Variants in CCDC149 observed in about 807,000 individuals in gnomAD.
The protein encoded by CCDC149 is coiled-coil domain-containing protein 149.
In CCDC149, 45 loss-of-function variants were observed where a neutral mutation model predicts 59.9. The observed-to-expected ratio is 0.75, with a 90% CI of 0.59 to 0.96. The LOEUF is 0.96. Among genes scored for constraint, CCDC149 ranks in the 40% least tolerant of loss-of-function variants. The pLI is 0.00. For missense variants in CCDC149, 584 were observed against 664.7 expected, an observed-to-expected ratio of 0.88 and a Z score of 1.33; for synonymous variants, 245 against 260.6, an observed-to-expected ratio of 0.94 and a Z score of 0.58.
At chr4:24,935,297 C>T (rs1165520342) in intron 1 of CCDC149, among the ~76,000 whole-genome samples, 1 of 152,116 alleles carries the variant, frequency 6.6e-6, no homozygotes, top group East Asian at 1.9e-4. Context: ...GTACCATTTT[C>T]TGGAATGGAA....
chr4:24,955,460 C>G (rs1723437574), intron 1 of CCDC149, among the ~76,000 whole-genome samples: 1 of 152,084 alleles, frequency 6.6e-6, no homozygotes. Context: ...GAGGAAATAA[C>G]CCAAGTATCC....
At chr4:24,878,216 T>TAAAAAAAAA in intron 1 of CCDC149, among the ~76,000 whole-genome samples, 1 of 125,138 alleles carries the variant, frequency 8.0e-6, no homozygotes, top group South Asian at 2.6e-4. Flanking sequence ...TTTTTTTTCC[T>TAAAAAAAAA]AAAAAAAAAA....
chr4:24,926,851 A>G (rs915882135), intron 1 of CCDC149, among the ~76,000 whole-genome samples: 4 of 152,164 alleles, frequency 2.6e-5, no homozygotes, highest in Admixed American at 6.5e-5. Context: ...GAACTTGAAG[A>G]CGAGGACTGT....
intron 4 of CCDC149, among the ~76,000 whole-genome samples, chr4:24,843,545 G>A (rs1027001756): frequency 6.6e-6 from 1 of 152,140 alleles, no homozygotes; most frequent in Admixed American, 6.5e-5. Context: ...CACCTATTGT[G>A]TACACCAGAG....
At chr4:24,956,789 C>A (rs754703531) in intron 1 of CCDC149, among the ~76,000 whole-genome samples, 31 of 152,278 alleles carry the variant, frequency 2.0e-4, no homozygotes, top group South Asian at 6.2e-4. Context: ...AAGAAGGAAG[C>A]AGAAACTTGG....
intron 1 of CCDC149, among the ~76,000 whole-genome samples, chr4:24,927,726 C>T (rs1722466952): frequency 6.6e-6 from 1 of 152,120 alleles, no homozygotes; most frequent in Non-Finnish European, 1.5e-5. Flanking sequence ...CCACCTCCTC[C>T]TCCATCTCCA....
chr4:24,946,792 T>C lies in CCDC149; in HGVS notation c.-65+33277A>G, dbSNP rs138953426. On this transcript the variant is annotated intron_variant, in intron 1 of 12. Coordinates refer to the CCDC149 transcript ENST00000389609. ...GCCAGCTTTGTGATTAGTCTAAAGA[T>C]TTGCCTGAAAAATCTTATTTATGTT... Among the ~76,000 whole-genome samples the C allele has an allele frequency of 1.0e-3, 153 of 152,298 alleles. 2 individuals carry two copies. The East Asian group carries it at 0.019, about 19-fold the overall frequency.
In CCDC149 at chr4:24,834,947, CCTTGCTTTGCAGACAGGA is replaced by C; in HGVS notation, c.803_820del (p.Leu269_Val274del). On this transcript the variant is annotated inframe_deletion and splice_region_variant, in exon 8 of 13. Transcript: ENST00000635206. Reference sequence around the variant, plus strand: ...GTCTCTCCTGGAGCATGATATCCTACCTTGCTTTGCAGACAGGACTCCTGTCAGAGCACTGCTGCTGGA... The same window carrying C: ...GTCTCTCCTGGAGCATGATATCCTACCTCCTGTCAGAGCACTGCTGCTGGA... 6.2e-7 allele frequency: 1 copy of C among 1,609,778 alleles called. No homozygotes were observed. Among genetic ancestry groups the C allele is most frequent in the Non-Finnish European group, 8.5e-7 (1 of 1,176,340 alleles).
At chr4:24,955,210 C>T (rs1488992050) in intron 1 of CCDC149, among the ~76,000 whole-genome samples, 1 of 152,154 alleles carries the variant, frequency 6.6e-6, no homozygotes, top group East Asian at 1.9e-4. Flanking sequence ...TGGTGAGGGC[C>T]TTCTCACTGC....
chr4:24,854,256 C>A (rs1185425164), intron 3 of CCDC149, among the ~76,000 whole-genome samples: 1 of 152,186 alleles, frequency 6.6e-6, no homozygotes. Flanking sequence ...AATGGACTTG[C>A]CCTAATTCTC....
chr4:24,868,432 C>A (rs1290991032), intron 3 of CCDC149, among the ~76,000 whole-genome samples: 1 of 152,122 alleles, frequency 6.6e-6, no homozygotes, highest in African/African-American at 2.4e-5. Context: ...GAGCTATTTC[C>A]CCACTTGTTT....
Position 24,837,345 on chromosome 4 carries a change from T to G in CCDC149, c.545A>C (p.Lys182Thr), listed in dbSNP as rs1446832485. The G allele has an allele frequency of 6.2e-7, 1 of 1,614,136 alleles. No homozygotes were observed. Among genetic ancestry groups the G allele is most frequent in the Non-Finnish European group, 8.5e-7 (1 of 1,180,022 alleles). ...GTCCTGGTAGGAAGACCGTTCTTCTTTAACATCCTGAAGCTCGTCCACAGA... is the reference window on the plus strand; with the variant it reads ...GTCCTGGTAGGAAGACCGTTCTTCTGTAACATCCTGAAGCTCGTCCACAGA... The change falls in exon 6 of 13, where the codon AAA becomes ACA. Residue 182 changes from lysine (K) to threonine (T), a missense_variant. Lys to Thr is a moderately conservative substitution (Grantham distance 78). Coordinates refer to ENST00000635206, the MANE Select transcript of CCDC149 (RefSeq NM_001330643.2). The surrounding 1 kb of genome is among the most constrained non-coding windows in gnomAD (Gnocchi z 4.3).
chr4:24,964,057 G>A (rs1173239529), intron 1 of CCDC149, among the ~76,000 whole-genome samples: 1 of 152,068 alleles, frequency 6.6e-6, no homozygotes, highest in African/African-American at 2.4e-5. Context: ...TCAGCTAGTT[G>A]TGGTGGCATA....
At chr4:24,914,725 T>A (rs1473274621), upstream of CCDC149, among the ~76,000 whole-genome samples, 2 of 152,074 alleles carry the variant, frequency 1.3e-5, no homozygotes, top group African/African-American at 4.8e-5. Flanking sequence ...AGCCACTAAG[T>A]TTTAGGGCGA....
At chr4:24,820,853 AT>A (rs1715346424) in intron 11 of CCDC149, among the ~76,000 whole-genome samples, 2 of 152,232 alleles carry the variant, frequency 1.3e-5, no homozygotes, top group Non-Finnish European at 2.9e-5. Context: ...ACAGCATAAA[AT>A]TCATTCAGCC....
intron 1 of CCDC149, among the ~76,000 whole-genome samples, chr4:24,947,067 GGAT>G (rs1723131648): frequency 6.6e-6 from 1 of 152,042 alleles, no homozygotes; most frequent in African/African-American, 2.4e-5. Flanking sequence ...TGCAATCTTT[GGAT>G]AAATTATGTT....
intron 1 of CCDC149, among the ~76,000 whole-genome samples, chr4:24,911,858 A>G (rs1313965688): frequency 6.6e-6 from 1 of 152,318 alleles, no homozygotes; most frequent in Non-Finnish European, 1.5e-5. Flanking sequence ...AAAGGAAAAG[A>G]GCAAACCGAT....
intron 1 of CCDC149, among the ~76,000 whole-genome samples, chr4:24,965,632 G>A (rs1215166054): frequency 6.6e-6 from 1 of 152,152 alleles, no homozygotes; most frequent in Non-Finnish European, 1.5e-5. Flanking sequence ...TATTCCTAAA[G>A]CAATAATTAG....
intron 1 of CCDC149, among the ~76,000 whole-genome samples, chr4:24,928,818 C>A (rs1251830455): frequency 6.6e-6 from 1 of 152,124 alleles, no homozygotes. Context: ...TGTCCAAAAG[C>A]TGAAATGAGT....
Sources: allele counts gnomAD v4.1 joint callset (sites outside exome capture counted in the v4.1 genomes callset), GRCh38; gene constraint gnomAD v4.1.1; non-coding constraint Gnocchi (gnomAD v3.1); transcripts MANE v1.5; gene names NCBI Gene and HGNC (gene_info 2026-07-23, HGNC 2026-07-21).